TSBP1: variants seen among roughly 807,000 people sequenced by gnomAD.
TSBP1 encodes testis-expressed basic protein 1.
In TSBP1, 56 loss-of-function variants were observed where a neutral mutation model predicts 68.8. That is an observed-to-expected ratio of 0.81 (90% CI 0.66 to 1.02). The LOEUF (loss-of-function observed/expected upper bound fraction) is 1.02. Among genes scored for constraint, TSBP1 ranks in the 50% least tolerant of loss-of-function variants. The pLI is 0.00. For missense variants in TSBP1, 502 were observed against 641.2 expected (o/e 0.78, Z 2.34); for synonymous variants, 171 against 208.7 (o/e 0.82, Z 1.56).
At chr6:32,332,997 G>T (rs1769228593) in intron 14 of TSBP1, among the ~76,000 whole-genome samples, 1 of 150,724 alleles carries the variant, frequency 6.6e-6, no homozygotes, top group Non-Finnish European at 1.5e-5. Context: ...TCGAAAGCCT[G>T]TTATGTTTTT....
chr6:32,365,509 T>A lies in TSBP1; in HGVS notation c.217+658A>T, dbSNP rs1001350401. 4.4e-6 allele frequency: 2 copies of A among 456,500 alleles called. No individual in the cohort carries two copies. The highest frequency in any genetic ancestry group is 8.8e-6 in the Non-Finnish European group (2 of 226,942). The allele number at this position is 456,500 out of a possible 1,614,324, so 28.3% of individuals were successfully genotyped here. A position where few individuals can be genotyped will look rare whatever the true frequency, so the allele number is the denominator to read the frequency against. On this transcript the variant is annotated intron_variant, in intron 6 of 22. Coordinates refer to ENST00000612031, the Ensembl canonical transcript of TSBP1. This position sits in a 1 kb window ranked among gnomAD's most constrained non-coding sequence, Gnocchi z 4.3. Reference sequence around the variant, plus strand: ...GCTTTCTGATGAGTGGGTTCTGCAGTCTCTTTTCCCTGCTCCCAGCCTCTC... The same window carrying A: ...GCTTTCTGATGAGTGGGTTCTGCAGACTCTTTTCCCTGCTCCCAGCCTCTC...
chr6:32,319,202 C>A (rs1466547226), intron 18 of TSBP1, among the ~76,000 whole-genome samples: 1 of 152,152 alleles, frequency 6.6e-6, no homozygotes, highest in African/African-American at 2.4e-5. Flanking sequence ...AGGAGTAACC[C>A]TTGGTGTCTT....
In TSBP1 at chr6:32,295,351, A is replaced by ACACACACACAC. The variant is rs773829841; in HGVS notation, c.638-1317_638-1316insGTGTGTGTGTG. ...ACTCCATCTCACACACACACACACA[A>ACACACACACAC]AAAAAAAAAAAAAAAAAAAGAAGAC... On this transcript the variant is annotated intron_variant, in intron 22 of 22. Transcript: ENST00000612031. Among the ~76,000 whole-genome samples the ACACACACACAC allele has an allele frequency of 7.6e-4, 70 of 92,176 alleles. No individual in the cohort carries two copies. The East Asian group carries it at 0.023, about 30-fold the overall frequency. The allele number at this position is 92,176 out of a possible 152,430, so 60.5% of individuals were successfully genotyped here. A position where few individuals can be genotyped will look rare whatever the true frequency, so the allele number is the denominator to read the frequency against.
intron 22 of TSBP1, among the ~76,000 whole-genome samples, chr6:32,295,336 A>T (rs192207240): frequency 1.5e-4 from 13 of 84,396 alleles, no homozygotes; most frequent in African/African-American, 7.0e-4. Context: ...ACTCCATCTC[A>T]CACACACACA....
chr6:32,321,026 T>C lies in TSBP1; in HGVS notation c.559+2091A>G, dbSNP rs1247194455. ...GCAAAGGACATGATCTCATTCTTTT[T>C]TTGGCTGCGTAGTATTCCATGGTGT... On this transcript the variant is annotated intron_variant, in intron 18 of 22. Coordinates refer to ENST00000612031, the Ensembl canonical transcript of TSBP1. This position sits in a 1 kb window ranked among gnomAD's most constrained non-coding sequence, Gnocchi z 4.3. Among the ~76,000 whole-genome samples, 1 of 152,216 alleles carries C rather than the reference T, an allele frequency of 6.6e-6. No homozygotes were observed. Among genetic ancestry groups the C allele is most frequent in the African/African-American group, 2.4e-5 (1 of 41,460 alleles).
chr6:32,349,374 C>A (rs189492702), intron 9 of TSBP1: 69 of 168,560 alleles, frequency 4.1e-4, no homozygotes, highest in Middle Eastern at 2.8e-3. Context: ...TTCGTGCTAG[C>A]CATGTAAAGC....
rs370871393 is a variant in TSBP1, at chr6:32,330,050, G to A, written c.514+539C>T. 2.5e-4 allele frequency among the ~76,000 whole-genome samples: 38 copies of A among 152,266 alleles called. 1 individual carries two copies. The East Asian group carries it at 2.9e-3, about 12-fold the overall frequency. On this transcript the variant is annotated intron_variant, in intron 16 of 22. Transcript: ENST00000612031. Reference sequence around the variant, plus strand: ...TTGTCGTGCGTGTGTGTGCGCGCGCGCACGTGTGTTGGGGATGTTTGGAGA... The same window carrying A: ...TTGTCGTGCGTGTGTGTGCGCGCGCACACGTGTGTTGGGGATGTTTGGAGA...
rs1355108731 is a variant in TSBP1, at chr6:32,337,058, T to C, written c.410-423A>G. Among the ~76,000 whole-genome samples the C allele has an allele frequency of 6.6e-6, 1 of 152,066 alleles. No individual in the cohort carries two copies. Among genetic ancestry groups the C allele is most frequent in the East Asian group, 1.9e-4 (1 of 5,202 alleles). ...GTTAGGATGTGGAGAGGACCCTATA[T>C]CCTACAGAAGGCCAAAGAACATTAG... On this transcript the variant is annotated intron_variant, in intron 11 of 22. Coordinates refer to ENST00000612031, the Ensembl canonical transcript of TSBP1. This position sits in a 1 kb window ranked among gnomAD's most constrained non-coding sequence, Gnocchi z 5.5.
At chr6:32,348,746 A>AT (rs1562161157) in intron 9 of TSBP1, among the ~76,000 whole-genome samples, 1 of 152,026 alleles carries the variant, frequency 6.6e-6, no homozygotes, top group Admixed American at 6.6e-5. Flanking sequence ...TTTAAATTTC[A>AT]TTTTTTCCTC....
rs755203372 is a variant in TSBP1 at position 32,366,206 on chromosome 6, A to G, written c.197-19T>C. The G allele has an allele frequency of 1.3e-6, 2 of 1,593,200 alleles. No homozygotes were observed. Among genetic ancestry groups the G allele is most frequent in the Non-Finnish European group, 1.7e-6 (2 of 1,172,842 alleles). ...GAAGTGTCTAGAGAATTGAAGAAAA[A>G]TTATAAGATTCTTAATTTCTCATAA... On this transcript the variant is annotated intron_variant, in intron 5 of 22. Transcript: ENST00000612031.
At chr6:32,317,999 C>T (rs1767159361) in intron 18 of TSBP1, among the ~76,000 whole-genome samples, 1 of 152,148 alleles carries the variant, frequency 6.6e-6, no homozygotes. Flanking sequence ...TAAAGAAACA[C>T]ACGTGTGTTT....
At position 32,336,487 on chromosome 6, in the gene TSBP1, C is replaced by A. The variant is rs1468102519; in HGVS notation, c.430+128G>T. The A allele has an allele frequency of 2.6e-6, 2 of 765,380 alleles. No individual in the cohort carries two copies. The highest frequency in any genetic ancestry group is 4.4e-6 in the Non-Finnish European group (2 of 455,340). 47.4% of individuals were successfully genotyped at this position (765,380 alleles called of 1,614,324 possible). A position where few individuals can be genotyped will look rare whatever the true frequency, so the allele number is the denominator to read the frequency against. ...CACAATATACCCATTAGCAAACCTG[C>A]ATATGCACCACCGGAATCTAAAATA... On this transcript the variant is annotated intron_variant, in intron 12 of 22. Transcript: ENST00000612031. The surrounding 1 kb of genome is among the most constrained non-coding windows in gnomAD (Gnocchi z 5.2).
rs141651498 is a variant in TSBP1, at chr6:32,357,260, A to G, written c.218-1591T>C. 2.0e-4 allele frequency among the ~76,000 whole-genome samples: 30 copies of G among 152,312 alleles called. No individual in the cohort carries two copies. The highest frequency in any genetic ancestry group is 7.2e-4 in the Admixed American group (11 of 15,300). On this transcript the variant is annotated intron_variant, in intron 6 of 22. Transcript: ENST00000612031. The surrounding 1 kb of genome is among the most constrained non-coding windows in gnomAD (Gnocchi z 4.7). ...ATTCAAGTTTTTCCTTAAGAATGCA[A>G]GGGAGCCCAGATTAGAAAGATACTA... is the stretch of plus-strand genomic sequence containing the variant.
chr6:32,350,617 C>T (rs1426212994), intron 8 of TSBP1, among the ~76,000 whole-genome samples: 1 of 152,150 alleles, frequency 6.6e-6, no homozygotes, highest in African/African-American at 2.4e-5. Flanking sequence ...AGGCCTCATG[C>T]ATTGTAAGAA....
At chr6:32,323,357 A>T in intron 17 of TSBP1, 1 of 691,672 alleles carries the variant, frequency 1.4e-6, no homozygotes, top group Admixed American at 2.2e-5. Flanking sequence ...ATGTAATTAA[A>T]GCACTTAAAT....
chr6:32,345,405 C>T (rs115169690), intron 9 of TSBP1, among the ~76,000 whole-genome samples: 1 of 151,846 alleles, frequency 6.6e-6, no homozygotes, highest in Non-Finnish European at 1.5e-5. Flanking sequence ...TAATTCTCAC[C>T]GAAATCATTT....
chr6:32,370,545 G>T (rs1013592688), intron 1 of TSBP1, among the ~76,000 whole-genome samples: 41 of 151,250 alleles, frequency 2.7e-4, no homozygotes, highest in African/African-American at 9.7e-4. Context: ...TTGACTGAAG[G>T]GTGCTGACTG....
At chr6:32,323,021 A>T in intron 18 of TSBP1, 96 bp downstream of exon 19, 1 of 902,230 alleles carries the variant, frequency 1.1e-6, no homozygotes, top group Admixed American at 2.3e-5. Flanking sequence ...GGTAATAAGG[A>T]AGCAAGAGAA....
At chr6:32,330,793 C>T (rs1768921161) in intron 15 of TSBP1, among the ~76,000 whole-genome samples, 184 bp from the exon 17 acceptor site, 1 of 152,060 alleles carries the variant, frequency 6.6e-6, no homozygotes, top group Non-Finnish European at 1.5e-5. Context: ...GCCTCAGCCT[C>T]CTGAGTAGCA....
Sources: gnomAD v4.1 joint callset for allele counts (sites outside exome capture counted in the v4.1 genomes callset) on GRCh38, gnomAD v4.1.1 for gene constraint, Gnocchi (gnomAD v3.1) non-coding constraint, MANE v1.5 for transcripts, NCBI Gene and HGNC (gene_info 2026-07-23, HGNC 2026-07-21) for gene names.